Variants in EFR3B observed in about 807,000 individuals in gnomAD.
EFR3B encodes the protein protein EFR3 homolog B.
EFR3B carries 64 observed loss-of-function variants against 104.7 expected under a neutral mutation model. The observed-to-expected ratio is 0.61, with a 90% CI of 0.50 to 0.75. EFR3B has a LOEUF of 0.75. Among genes scored for constraint, EFR3B ranks in the 30% least tolerant of loss-of-function variants. The pLI, the probability that EFR3B is intolerant of heterozygous loss-of-function variation, is 0.00. For missense variants in EFR3B, 750 were observed against 1,078.5 expected, an observed-to-expected ratio of 0.70 and a Z score of 4.27; for synonymous variants, 385 against 417.9, an observed-to-expected ratio of 0.92 and a Z score of 0.96.
chr2:25,153,608 G>C, intron 21 of EFR3B, 104 bp from the exon 22 acceptor site: 1 of 1,164,836 alleles, frequency 8.6e-7, no homozygotes, highest in Non-Finnish European at 1.3e-6. Context: ...CTAAGGCTGT[G>C]GCTGCCCTGT....
chr2:25,092,308 TCCGC>T (rs959469498), intron 2 of EFR3B, among the ~76,000 whole-genome samples: 8 of 151,652 alleles, frequency 5.3e-5, no homozygotes, highest in Non-Finnish European at 1.2e-4. Context: ...GACCTTGTGA[TCCGC>T]CCACCTCAGG....
In EFR3B at chr2:25,137,715, G is replaced by A. The variant is rs141703813; in HGVS notation, c.1722+213G>A. Among the ~76,000 whole-genome samples, 8 of 152,276 alleles carry A rather than the reference G, an allele frequency of 5.3e-5. No homozygotes were observed. The East Asian group carries it at 5.8e-4, about 11-fold the overall frequency. On this transcript the variant is annotated intron_variant, in intron 15 of 22. Transcript: ENST00000403714. This position sits in a 1 kb window ranked among gnomAD's most constrained non-coding sequence, Gnocchi z 4.7. The stretch of plus-strand genomic sequence containing the variant: ...AATGCTTCATTCATGGTCTTGGCCC[G>A]TCCTTAAGCTAAAGAAGACCCAGGG...
Position 25,130,452 on chromosome 2 carries a change from A to T in EFR3B, c.771-100A>T. 1 of 1,079,226 alleles carries T rather than the reference A, an allele frequency of 9.3e-7. No homozygotes were observed. The highest frequency in any genetic ancestry group is 1.4e-5 in the South Asian group (1 of 73,978). 66.9% of individuals were successfully genotyped at this position (1,079,226 alleles called of 1,614,324 possible). ...CACTTCCTCACCCGGGAACTGTGCG[A>T]GGGGCTCTGAGAAGGTGTCCCTCTG... On this transcript the variant is annotated intron_variant, in intron 7 of 22. Coordinates refer to ENST00000403714, the MANE Select transcript of EFR3B (RefSeq NM_014971.2). This position sits in a 1 kb window ranked among gnomAD's most constrained non-coding sequence, Gnocchi z 4.6.
intron 3 of EFR3B, among the ~76,000 whole-genome samples, chr2:25,102,850 A>G (rs1015164311): frequency 3.3e-5 from 5 of 150,870 alleles, no homozygotes; most frequent in Non-Finnish European, 3.0e-5. Context: ...CATAAGGAGG[A>G]AAAAAAAAAT....
At chr2:25,098,511 C>G (rs972731228) in intron 3 of EFR3B, among the ~76,000 whole-genome samples, 2 of 152,186 alleles carry the variant, frequency 1.3e-5, no homozygotes, top group Non-Finnish European at 2.9e-5. Flanking sequence ...TCGGGGATCC[C>G]AGGCTCTATT....
chr2:25,073,462 A>G (rs930570733), intron 1 of EFR3B, among the ~76,000 whole-genome samples: 1 of 150,466 alleles, frequency 6.6e-6, no homozygotes, highest in Non-Finnish European at 1.5e-5. Context: ...GGCTCAAGTG[A>G]TCCTCCCACC....
At chr2:25,109,309 A>G (rs1001494696) in intron 4 of EFR3B, among the ~76,000 whole-genome samples, 4 of 152,200 alleles carry the variant, frequency 2.6e-5, no homozygotes, top group Non-Finnish European at 5.9e-5. Context: ...CAAAACCACA[A>G]CAAGACACCA....
In EFR3B at chr2:25,137,311, C is replaced by T; in HGVS notation, c.1561-30C>T. Reference sequence around the variant, plus strand: ...GCCCCTCCTGTCCCCATCCCTCCGACCCTGGCCTTCTGCCCGCTCCTGTCC... The same window carrying T: ...GCCCCTCCTGTCCCCATCCCTCCGATCCTGGCCTTCTGCCCGCTCCTGTCC... On this transcript the variant is annotated intron_variant, in intron 14 of 22. Coordinates refer to ENST00000403714, the MANE Select transcript of EFR3B (RefSeq NM_014971.2). This position sits in a 1 kb window ranked among gnomAD's most constrained non-coding sequence, Gnocchi z 4.7. 2 of 1,551,550 alleles carry T rather than the reference C, an allele frequency of 1.3e-6. No homozygotes were observed. Among genetic ancestry groups the T allele is most frequent in the African/African-American group, 1.4e-5 (1 of 73,170 alleles).
At chr2:25,047,115 A>G (rs1188317113) in intron 1 of EFR3B, among the ~76,000 whole-genome samples, 1 of 152,246 alleles carries the variant, frequency 6.6e-6, no homozygotes, top group Admixed American at 6.5e-5. Context: ...AAATAAAAAT[A>G]AAAAGGTAAT....
chr2:25,051,840 A>G (rs2149164306), intron 1 of EFR3B, among the ~76,000 whole-genome samples: 1 of 149,796 alleles, frequency 6.7e-6, no homozygotes, highest in Non-Finnish European at 1.5e-5. Context: ...GGGTTTCACC[A>G]TGTTGGCCAG....
At chr2:25,073,908 C>A (rs1237617757) in intron 1 of EFR3B, among the ~76,000 whole-genome samples, 1 of 152,148 alleles carries the variant, frequency 6.6e-6, no homozygotes. Context: ...CTCCTTTGAG[C>A]TTTTGCAACA....
chr2:25,072,684 C>A (rs1357192168), intron 1 of EFR3B, among the ~76,000 whole-genome samples: 1 of 152,138 alleles, frequency 6.6e-6, no homozygotes, highest in East Asian at 1.9e-4. Context: ...CCATGGCTAC[C>A]CTTCCTAATA....
intron 17 of EFR3B, among the ~76,000 whole-genome samples, chr2:25,141,674 G>T (rs964197830): frequency 6.6e-6 from 1 of 152,214 alleles, no homozygotes; most frequent in African/African-American, 2.4e-5. Context: ...CACAGCCTCC[G>T]GGGGCTTTGG....
chr2:25,067,426 G>GTTTTTT (rs111972158), intron 1 of EFR3B, among the ~76,000 whole-genome samples: 2 of 142,786 alleles, frequency 1.4e-5, no homozygotes, highest in African/African-American at 2.6e-5. Flanking sequence ...TTTAGTTTTT[G>GTTTTTT]TTTTTTTTTT....
Position 25,154,657 on chromosome 2 carries a change from A to G in EFR3B, c.*317A>G. On this transcript the variant is annotated 3_prime_UTR_variant, in exon 23 of 23. Coordinates refer to ENST00000403714, the MANE Select transcript of EFR3B (RefSeq NM_014971.2). This position sits in a 1 kb window ranked among gnomAD's most constrained non-coding sequence, Gnocchi z 4.1. ...GGGGGGAGGGGGCTGAGAAGCTCCT[A>G]CTTGGTGTTTTGAGTGAAGGGCATG... 3.5e-6 allele frequency: 1 copy of G among 288,136 alleles called. No homozygotes were observed. Among genetic ancestry groups the G allele is most frequent in the Non-Finnish European group, 6.4e-6 (1 of 156,360 alleles). 17.8% of individuals were successfully genotyped at this position (288,136 alleles called of 1,614,324 possible). A position where few individuals can be genotyped will look rare whatever the true frequency, so the allele number is the denominator to read the frequency against.
chr2:25,054,556 G>A (rs1667968513), intron 1 of EFR3B, among the ~76,000 whole-genome samples: 1 of 152,120 alleles, frequency 6.6e-6, no homozygotes, highest in South Asian at 2.1e-4. Flanking sequence ...GATCTCAGGT[G>A]ATCCGCCTGC....
intron 1 of EFR3B, among the ~76,000 whole-genome samples, chr2:25,069,547 A>G (rs1279710618): frequency 6.6e-6 from 1 of 152,240 alleles, no homozygotes; most frequent in African/African-American, 2.4e-5. Flanking sequence ...GCGGTGTTCC[A>G]GCTCCATGAC....
intron 1 of EFR3B, among the ~76,000 whole-genome samples, chr2:25,063,941 G>T (rs1306895668): frequency 2.6e-5 from 4 of 152,140 alleles, no homozygotes; most frequent in African/African-American, 9.7e-5. Flanking sequence ...TTCCTACCTC[G>T]TGCAGGTGTT....
At position 25,156,434 on chromosome 2, in the gene EFR3B, A is replaced by G. The variant is rs1330096864; in HGVS notation, c.*2094A>G. 2.0e-5 allele frequency: 3 copies of G among 150,730 alleles called. No homozygotes were observed. The highest frequency in any genetic ancestry group is 4.4e-5 in the Non-Finnish European group (3 of 67,958). The allele number at this position is 150,730 out of a possible 1,614,324, so 9.3% of individuals were successfully genotyped here. On this transcript the variant is annotated 3_prime_UTR_variant, in exon 23 of 23. Coordinates refer to ENST00000403714, the MANE Select transcript of EFR3B (RefSeq NM_014971.2). ...TGCCTCAGCCTCCTGAGTAGCTGGG[A>G]TTACAGGCGTGCACCACCACGCCTG...
Sources: gnomAD v4.1 joint callset for allele counts (sites outside exome capture counted in the v4.1 genomes callset) on GRCh38, gnomAD v4.1.1 for gene constraint, Gnocchi (gnomAD v3.1) non-coding constraint, MANE v1.5 for transcripts, NCBI Gene and HGNC (gene_info 2026-07-23, HGNC 2026-07-21) for gene names.